The following SMYD3 variants were observed in gnomAD, a reference collection of about 807,000 sequenced individuals.
SMYD3 encodes SET and MYND domain containing 3, also known as histone-lysine N-methyltransferase SMYD3.
In SMYD3, 36 loss-of-function variants were observed where a neutral mutation model predicts 57.7. That is an observed-to-expected ratio of 0.62 (90% confidence interval 0.48 to 0.82). The LOEUF (loss-of-function observed/expected upper bound fraction) is 0.82. SMYD3 is among the 40% of genes least tolerant of loss of function. The pLI is 0.00. For missense variants in SMYD3, 515 were observed against 538.8 expected (o/e 0.96, Z 0.44); for synonymous variants, 211 against 195.0 (o/e 1.08, Z -0.68).
At chr1:246,356,497 A>G (rs2065912078) in intron 1 of SMYD3, among the ~76,000 whole-genome samples, 2 of 152,244 alleles carry the variant, frequency 1.3e-5, no homozygotes, top group Admixed American at 6.5e-5. Flanking sequence ...TAAGCTAATC[A>G]AGGAGGCACC....
At chr1:246,191,643 A>G (rs1218717054) in intron 5 of SMYD3, among the ~76,000 whole-genome samples, 1 of 152,220 alleles carries the variant, frequency 6.6e-6, no homozygotes, top group Admixed American at 6.5e-5. Flanking sequence ...AACTCTTGCC[A>G]TGAGCAGGAG....
chr1:245,917,678 A>C (rs1481461421), intron 7 of SMYD3, among the ~76,000 whole-genome samples: 2 of 152,110 alleles, frequency 1.3e-5, no homozygotes. Context: ...TAACAACCCA[A>C]TTCCCTTACC....
chr1:246,074,375 A>T (rs1361350734), intron 5 of SMYD3, among the ~76,000 whole-genome samples: 1 of 146,376 alleles, frequency 6.8e-6, no homozygotes. Context: ...TAAAAAAAAA[A>T]AACAAACTGT....
At chr1:245,768,613 T>C (rs988542717) in intron 10 of SMYD3, among the ~76,000 whole-genome samples, 2 of 152,182 alleles carry the variant, frequency 1.3e-5, no homozygotes, top group African/African-American at 4.8e-5. Flanking sequence ...TGAAACTTAA[T>C]GGCCAATGTG....
chr1:246,090,269 T>G (rs1006341649), intron 5 of SMYD3, among the ~76,000 whole-genome samples: 12 of 152,202 alleles, frequency 7.9e-5, no homozygotes, highest in African/African-American at 2.9e-4. Context: ...GCACCCAGTA[T>G]GTCCTAACAG....
intron 5 of SMYD3, among the ~76,000 whole-genome samples, chr1:245,986,495 T>C (rs1171732875): frequency 6.6e-6 from 1 of 152,250 alleles, no homozygotes; most frequent in Non-Finnish European, 1.5e-5. Flanking sequence ...AGCCCCCTAG[T>C]GAGCCCAGCT....
At chr1:245,846,395 G>A (rs550298593) in intron 10 of SMYD3, among the ~76,000 whole-genome samples, 1 of 152,306 alleles carries the variant, frequency 6.6e-6, no homozygotes, top group South Asian at 2.1e-4. Context: ...CATATGGTAG[G>A]AAAACAGAAT....
chr1:245,969,577 C>G (rs1294062503), intron 5 of SMYD3, among the ~76,000 whole-genome samples: 1 of 151,888 alleles, frequency 6.6e-6, no homozygotes, highest in South Asian at 2.1e-4. Flanking sequence ...CACAATCCTT[C>G]AAAGGGCAAA....
At chr1:246,385,241 G>A (rs1212786407) in intron 1 of SMYD3, among the ~76,000 whole-genome samples, 11 of 152,008 alleles carry the variant, frequency 7.2e-5, no homozygotes, top group Non-Finnish European at 1.2e-4. Flanking sequence ...AGTGAATCAT[G>A]AGCATGTAAC....
chr1:245,870,526 G>A (rs561556977), intron 8 of SMYD3, among the ~76,000 whole-genome samples: 19 of 152,152 alleles, frequency 1.2e-4, no homozygotes, highest in Non-Finnish European at 2.4e-4. Flanking sequence ...GCATGAATCA[G>A]TGAGGCCACC....
At chr1:245,836,911 A>C (rs1161070652) in intron 10 of SMYD3, among the ~76,000 whole-genome samples, 1 of 152,212 alleles carries the variant, frequency 6.6e-6, no homozygotes, top group Non-Finnish European at 1.5e-5. Context: ...CAGGGCATCA[A>C]ACAGATGAAA....
At position 246,308,814 on chromosome 1, in the gene SMYD3, G is replaced by A. The variant is rs139023423; in HGVS notation, c.531+18387C>T. ...CTCAAAAATAAAGATGGAAAGGACT[G>A]TAAGGTCAGTATTTTTAAAAACAAC... On this transcript the variant is annotated intron_variant, in intron 5 of 11. Coordinates refer to ENST00000490107, the MANE Select transcript of SMYD3 (RefSeq NM_001167740.2). Among the ~76,000 whole-genome samples, 301 of 152,238 alleles carry A rather than the reference G, an allele frequency of 2.0e-3. 2 individuals are homozygous for A. Among genetic ancestry groups the A allele is most frequent in the African/African-American group, 6.9e-3 (286 of 41,544 alleles).
intron 1 of SMYD3, among the ~76,000 whole-genome samples, chr1:246,409,338 G>GA (rs993274346): frequency 9.0e-4 from 137 of 152,222 alleles, no homozygotes; most frequent in African/African-American, 3.2e-3. Context: ...AATCCATCTT[G>GA]AATTAATTTT....
intron 8 of SMYD3, 72 bp downstream of exon 8, chr1:245,915,458 C>A: frequency 2.1e-6 from 2 of 959,926 alleles, no homozygotes; most frequent in Non-Finnish European, 3.3e-6. Context: ...TTTATGAAAT[C>A]TAGGCAGAGT....
intron 1 of SMYD3, among the ~76,000 whole-genome samples, chr1:246,475,487 A>C (rs918060141): frequency 6.6e-6 from 1 of 151,952 alleles, no homozygotes; most frequent in African/African-American, 2.4e-5. Flanking sequence ...TACTAAAAAT[A>C]CAAAAAAAAA....
intron 1 of SMYD3, among the ~76,000 whole-genome samples, chr1:246,503,954 TA>T (rs55709330): frequency 1.9e-4 from 24 of 128,386 alleles, no homozygotes; most frequent in South Asian, 1.3e-3. Flanking sequence ...AACTCCATCT[TA>T]AAAAAAAAAA....
chr1:245,950,657 T>C (rs1407293363), intron 5 of SMYD3, among the ~76,000 whole-genome samples: 1 of 152,200 alleles, frequency 6.6e-6, no homozygotes, highest in Non-Finnish European at 1.5e-5. Context: ...CATATGTCAC[T>C]CAAAATCCAA....
At chr1:246,479,699 G>T (rs1489898233) in intron 1 of SMYD3, among the ~76,000 whole-genome samples, 1 of 151,884 alleles carries the variant, frequency 6.6e-6, no homozygotes, top group Non-Finnish European at 1.5e-5. Flanking sequence ...GTAGAGCCAA[G>T]GTCTCAATAT....
intron 1 of SMYD3, among the ~76,000 whole-genome samples, chr1:246,405,667 G>C (rs2066850630): frequency 6.6e-6 from 1 of 152,134 alleles, no homozygotes; most frequent in South Asian, 2.1e-4. Flanking sequence ...CCAGCACTTT[G>C]GGAGGCCGAG....
Sources: gnomAD v4.1 joint callset for allele counts (sites outside exome capture counted in the v4.1 genomes callset) on GRCh38, gnomAD v4.1.1 for gene constraint, MANE v1.5 for transcripts, NCBI Gene and HGNC (gene_info 2026-07-23, HGNC 2026-07-21) for gene names.